SYS1: variants seen among roughly 807,000 people sequenced by gnomAD.
SYS1 encodes the protein SYS1 golgi trafficking protein.
In SYS1, 8 loss-of-function variants were observed where a neutral mutation model predicts 17.8. That is an observed-to-expected ratio of 0.45 (90% CI 0.26 to 0.81). SYS1 has a LOEUF of 0.81. Among genes scored for constraint, SYS1 ranks in the 40% least tolerant of loss-of-function variants. The probability of loss-of-function intolerance (pLI) is 0.16; values close to 1 mark genes in which losing one functional copy is unlikely to be tolerated. For synonymous variants in SYS1, 95 were observed against 90.9 expected, an observed-to-expected ratio of 1.05 and a Z score of -0.26; for missense variants, 161 against 203.9, an observed-to-expected ratio of 0.79 and a Z score of 1.28.
chr20:45,365,729 T>TCCCA, intron 3 of SYS1, 43 bp downstream of exon 3: 1 of 1,577,180 alleles, frequency 6.3e-7, no homozygotes, highest in Non-Finnish European at 8.7e-7. Context: ...GGGCTCTTAG[T>TCCCA]GCTGGGACTA....
downstream of SYS1, chr20:45,373,810 G>A (rs945880698): frequency 7.4e-6 from 9 of 1,213,248 alleles, no homozygotes; most frequent in African/African-American, 1.2e-4. Flanking sequence ...TCGCGACACA[G>A]GCTCCCTCTA....
At position 45,368,240 on chromosome 20, in the gene SYS1, C is replaced by A; in HGVS notation, c.*1125C>A. 1.0e-6 allele frequency: 1 copy of A among 985,466 alleles called. No individual in the cohort carries two copies. Among genetic ancestry groups the A allele is most frequent in the Non-Finnish European group, 1.2e-6 (1 of 829,942 alleles). 61.0% of individuals were successfully genotyped at this position (985,466 alleles called of 1,614,324 possible). A position where few individuals can be genotyped will look rare whatever the true frequency, so the allele number is the denominator to read the frequency against. On this transcript the variant is annotated 3_prime_UTR_variant, in exon 4 of 4. Transcript: ENST00000243918. ...TTTCCTGGACCCCAGAGTCATTCCT[C>A]CATTTGGTTAAAATACTCAGTGCAG...
intron 2 of SYS1, chr20:45,365,248 G>A (rs1988371461): frequency 2.8e-6 from 1 of 363,402 alleles, no homozygotes; most frequent in South Asian, 2.2e-5. Flanking sequence ...TAAGTGAATA[G>A]GTGTGGCTGT....
chr20:45,371,152 G>A (rs980628382), downstream of SYS1, among the ~76,000 whole-genome samples: 3 of 152,014 alleles, frequency 2.0e-5, no homozygotes, highest in Admixed American at 2.0e-4. Context: ...TATTTCCCTG[G>A]GTTTTGTTTT....
Position 45,367,394 on chromosome 20 carries a change from G to T in SYS1, c.*279G>T. 8.0e-7 allele frequency: 1 copy of T among 1,252,392 alleles called. No individual in the cohort carries two copies. The highest frequency in any genetic ancestry group is 3.8e-5 in the East Asian group (1 of 26,008). The allele number at this position is 1,252,392 out of a possible 1,614,324, so 77.6% of individuals were successfully genotyped here. On this transcript the variant is annotated 3_prime_UTR_variant, in exon 4 of 4. Coordinates refer to ENST00000243918, the MANE Select transcript of SYS1 (RefSeq NM_033542.4). Reference sequence around the variant, plus strand: ...ACAGAATTGGAACCATGCCACTCTTGAGCCACAATACCTGTCACCAGCCTG... The same window carrying T: ...ACAGAATTGGAACCATGCCACTCTTTAGCCACAATACCTGTCACCAGCCTG...
At chr20:45,372,107 G>A (rs1028383729), downstream of SYS1, among the ~76,000 whole-genome samples, 1 of 152,234 alleles carries the variant, frequency 6.6e-6, no homozygotes, top group Non-Finnish European at 1.5e-5. Flanking sequence ...CCCAGAGGAG[G>A]AGCTTTAGGT....
chr20:45,376,666 A>C (rs1245603956), exon 4 of SYS1: 1 of 152,296 alleles, frequency 6.6e-6, no homozygotes, highest in Non-Finnish European at 1.5e-5. Context: ...TTAACACTGT[A>C]GGATGGTACT....
In SYS1 at chr20:45,363,367, A is replaced by G. The variant is rs1600743152; in HGVS notation, c.-4+52A>G. 3.5e-6 allele frequency: 5 copies of G among 1,425,514 alleles called. No homozygotes were observed. In the South Asian group the frequency reaches 7.4e-5, roughly 21 times the overall value. 88.3% of individuals were successfully genotyped at this position (1,425,514 alleles called of 1,614,324 possible). A position where few individuals can be genotyped will look rare whatever the true frequency, so the allele number is the denominator to read the frequency against. On this transcript the variant is annotated intron_variant, in intron 1 of 3. Transcript: ENST00000243918. ...TACGGGCGGGGGCCGCGCAGGCGGA[A>G]TGGGCTGGATTTCCCCTCACTCTGA...
chr20:45,370,766 C>T (rs1209179127), downstream of SYS1, among the ~76,000 whole-genome samples: 4 of 152,068 alleles, frequency 2.6e-5, no homozygotes, highest in African/African-American at 9.7e-5. Context: ...GTACCGGCAG[C>T]CCAGGGACCA....
intron 2 of SYS1, among the ~76,000 whole-genome samples, chr20:45,364,523 G>A (rs924243631): frequency 4.1e-5 from 6 of 145,014 alleles, no homozygotes; most frequent in African/African-American, 1.6e-4. Flanking sequence ...CCAGGCTGGA[G>A]TGCAGTGGCA....
At chr20:45,375,321 T>G in exon 4 of SYS1, 2 of 1,614,206 alleles carry the variant, frequency 1.2e-6, no homozygotes, top group Non-Finnish European at 1.7e-6. Context: ...CATCCCTCGA[T>G]GTCCTTGGAA....
At chr20:45,365,363 A>T in intron 2 of SYS1, 1 of 571,570 alleles carries the variant, frequency 1.7e-6, no homozygotes, top group African/African-American at 1.9e-5. Context: ...ACTTTGGGCA[A>T]CTTAACTTGT....
intron 2 of SYS1, among the ~76,000 whole-genome samples, chr20:45,364,858 T>C (rs1369671369): frequency 6.6e-6 from 1 of 152,168 alleles, no homozygotes; most frequent in Non-Finnish European, 1.5e-5. Flanking sequence ...CAAGTTATTA[T>C]CCAAAAAGTG....
chr20:45,374,800 C>A, exon 4 of SYS1: 1 of 556,930 alleles, frequency 1.8e-6, no homozygotes, highest in Non-Finnish European at 3.1e-6. Context: ...CACTTCAGTG[C>A]CCCTCCTTCC....
exon 4 of SYS1, chr20:45,374,891 C>G: frequency 1.8e-6 from 2 of 1,107,526 alleles, no homozygotes; most frequent in South Asian, 3.1e-5. Flanking sequence ...GCTTCCCCCT[C>G]TCTGGACATG....
At chr20:45,363,848 A>G (rs1988311252) in intron 2 of SYS1, among the ~76,000 whole-genome samples, 155 bp downstream of exon 2, 1 of 152,234 alleles carries the variant, frequency 6.6e-6, no homozygotes, top group Non-Finnish European at 1.5e-5. Flanking sequence ...TGCCTCATCC[A>G]TAAAATGGAA....
At chr20:45,364,511 G>T (rs895953010) in intron 2 of SYS1, among the ~76,000 whole-genome samples, 5 of 110,272 alleles carry the variant, frequency 4.5e-5, no homozygotes, top group Non-Finnish European at 8.3e-5. Context: ...TCCCTCTGTC[G>T]CCCAGGCTGG....
chr20:45,362,141 G>A (rs1416292694), upstream of SYS1: 4 of 581,056 alleles, frequency 6.9e-6, no homozygotes, highest in African/African-American at 8.1e-5. Flanking sequence ...TGGCAGCAGA[G>A]AGGGTCAGGA....
upstream of SYS1, chr20:45,363,035 C>A: frequency 1.1e-6 from 1 of 882,162 alleles, no homozygotes; most frequent in African/African-American, 1.8e-5. Flanking sequence ...TCCTTCTGCG[C>A]ATGTGCTCAG....
Sources: allele counts gnomAD v4.1 joint callset (sites outside exome capture counted in the v4.1 genomes callset), GRCh38; gene constraint gnomAD v4.1.1; transcripts MANE v1.5; gene names NCBI Gene and HGNC (gene_info 2026-07-23, HGNC 2026-07-21).